The following KLHL14 variants were observed in gnomAD, a reference collection of about 807,000 sequenced individuals.
The protein encoded by KLHL14 is kelch like family member 14.
Under a neutral mutation model 64.3 loss-of-function variants are expected in KLHL14, and 22 were observed. That is an observed-to-expected ratio of 0.34 (90% CI 0.24 to 0.49). The LOEUF (loss-of-function observed/expected upper bound fraction) is 0.49. KLHL14 is among the 20% of genes least tolerant of loss of function. KLHL14 has a pLI of 0.99. For synonymous variants in KLHL14, 322 were observed against 333.4 expected (o/e 0.97, Z 0.37); for missense variants, 661 against 789.0 (o/e 0.84, Z 1.94).
chr18:32,708,590 C>T (rs1208391302), intron 3 of KLHL14, among the ~76,000 whole-genome samples: 6 of 151,998 alleles, frequency 3.9e-5, no homozygotes, highest in Non-Finnish European at 8.8e-5. Flanking sequence ...TCCTGCTCTC[C>T]CTTCTAGCTG....
Position 32,770,297 on chromosome 18 carries a change from G to GCGGCTGCTGCTGCTGTGA in KLHL14, c.277_294dup (p.Ser93_Pro98dup), listed in dbSNP as rs747624976. The GCGGCTGCTGCTGCTGTGA allele has an allele frequency of 5.4e-5, 86 of 1,587,010 alleles. No individual in the cohort carries two copies. Among genetic ancestry groups the GCGGCTGCTGCTGCTGTGA allele is most frequent in the Admixed American group, 5.3e-4 (31 of 58,302 alleles). The stretch of plus-strand genomic sequence containing the variant: ...GGAGTCCCGGGCTCCTCCTGCGGCG[G>GCGGCTGCTGCTGCTGTGA]CGGCTGCTGCTGCTGTGACGGCTGC... On this transcript the variant is annotated inframe_insertion, in exon 2 of 9. Coordinates refer to ENST00000359358, the MANE Select transcript of KLHL14 (RefSeq NM_020805.3). This position sits in a 1 kb window ranked among gnomAD's most constrained non-coding sequence, Gnocchi z 6.7.
chr18:32,677,465 C>T (rs912215922), intron 7 of KLHL14, 135 bp from the exon 8 acceptor site: 3 of 792,104 alleles, frequency 3.8e-6, no homozygotes, highest in Admixed American at 3.2e-5. Flanking sequence ...TGCATAAATT[C>T]ACTGAGATTG....
At chr18:32,750,225 C>A (rs1486830707) in intron 2 of KLHL14, among the ~76,000 whole-genome samples, 1 of 152,008 alleles carries the variant, frequency 6.6e-6, no homozygotes, top group Non-Finnish European at 1.5e-5. Context: ...AACATTTAGA[C>A]CATAGCAAAA....
intron 2 of KLHL14, among the ~76,000 whole-genome samples, chr18:32,763,646 CTAT>C (rs1460359489): frequency 1.3e-5 from 2 of 152,146 alleles, no homozygotes; most frequent in African/African-American, 4.8e-5. Context: ...GTGATAGCTA[CTAT>C]TATTATTGGC....
chr18:32,730,020 TG>T (rs2050129392), intron 3 of KLHL14, among the ~76,000 whole-genome samples: 1 of 152,248 alleles, frequency 6.6e-6, no homozygotes, highest in Non-Finnish European at 1.5e-5. Context: ...ACTTGTTGAA[TG>T]GTCTATTGTT....
At chr18:32,709,983 G>C (rs1222248514) in intron 3 of KLHL14, among the ~76,000 whole-genome samples, 1 of 152,128 alleles carries the variant, frequency 6.6e-6, no homozygotes, top group Non-Finnish European at 1.5e-5. Flanking sequence ...TGTACAATTT[G>C]CTTTTTAAAA....
At chr18:32,693,193 A>G (rs768229024) in intron 4 of KLHL14, among the ~76,000 whole-genome samples, 3 of 152,112 alleles carry the variant, frequency 2.0e-5, no homozygotes, top group Non-Finnish European at 4.4e-5. Context: ...ACTGACATGA[A>G]GTGCAAAAGG....
At chr18:32,720,641 G>A (rs17665734) in intron 3 of KLHL14, among the ~76,000 whole-genome samples, 36,640 of 151,944 alleles carry the variant, frequency 0.24, 4,625 homozygotes, top group Middle Eastern at 0.32. Context: ...AGGGGGCTTG[G>A]GATGACATGC....
chr18:32,680,487 A>G lies in KLHL14; in HGVS notation c.1351T>C (p.Trp451Arg), dbSNP rs762413227. Residue 451 changes from tryptophan to arginine, a missense_variant, in exon 6 of 9, where the codon TGG becomes CGG. This residue lies in a region of KLHL14 where 330 missense variants were observed against 450.0 expected (regional missense o/e 0.73). Coordinates refer to ENST00000359358, the MANE Select transcript of KLHL14 (RefSeq NM_020805.3). The surrounding 1 kb of genome is among the most constrained non-coding windows in gnomAD (Gnocchi z 4.8). ...TGTGGCAAAGAGGACACATAGCGCCATTCATTCGTTTCTAGGTTATAGCAC... is the reference window on the plus strand; with the variant it reads ...TGTGGCAAAGAGGACACATAGCGCCGTTCATTCGTTTCTAGGTTATAGCAC... ...VECYNLETNE[W>R]RYVSSLPQPL... 3.1e-6 allele frequency: 5 copies of G among 1,614,008 alleles called. No homozygotes were observed. Among genetic ancestry groups the G allele is most frequent in the African/African-American group, 1.3e-5 (1 of 75,050 alleles).
At chr18:32,771,301 C>T (rs1267010945) in intron 1 of KLHL14, among the ~76,000 whole-genome samples, 2 of 152,152 alleles carry the variant, frequency 1.3e-5, no homozygotes, top group Admixed American at 1.3e-4. Flanking sequence ...GCCCTTTCTT[C>T]TCCCGGGAAA....
At chr18:32,690,889 A>C (rs1481247490) in intron 4 of KLHL14, among the ~76,000 whole-genome samples, 1 of 152,118 alleles carries the variant, frequency 6.6e-6, no homozygotes, top group Non-Finnish European at 1.5e-5. Flanking sequence ...TTGAGTAGTA[A>C]ATTGAGTTTT....
rs567107804 is a variant in KLHL14 at position 32,710,810 on chromosome 18, C to T, written c.1070-15258G>A. Among the ~76,000 whole-genome samples, 13 of 152,246 alleles carry T rather than the reference C, an allele frequency of 8.5e-5. No homozygotes were observed. The South Asian group carries it at 2.1e-3, about 24-fold the overall frequency. ...GGAGAGGGGTTCAGGGAGGTCCCAT[C>T]AATGCCATCTGTGTCACAAAGGCAT... On this transcript the variant is annotated intron_variant, in intron 3 of 8. Coordinates refer to ENST00000359358, the MANE Select transcript of KLHL14 (RefSeq NM_020805.3).
intron 3 of KLHL14, among the ~76,000 whole-genome samples, chr18:32,721,364 C>T (rs1169819875): frequency 1.3e-5 from 2 of 152,170 alleles, no homozygotes; most frequent in Admixed American, 6.5e-5. Flanking sequence ...CCCTGTGCCA[C>T]TTGTCACAAG....
intron 5 of KLHL14, among the ~76,000 whole-genome samples, chr18:32,685,661 C>G (rs925413131): frequency 1.3e-5 from 2 of 152,156 alleles, no homozygotes; most frequent in African/African-American, 4.8e-5. Flanking sequence ...TACCTTTGAA[C>G]TAGACATTCC....
intron 3 of KLHL14, among the ~76,000 whole-genome samples, chr18:32,707,295 A>AGC (rs1346282916): frequency 6.6e-6 from 1 of 152,228 alleles, no homozygotes; most frequent in Admixed American, 6.5e-5. Flanking sequence ...ACCCTCCTCT[A>AGC]GCTGTATCCA....
At chr18:32,757,996 A>G (rs748913006) in intron 2 of KLHL14, among the ~76,000 whole-genome samples, 2 of 152,238 alleles carry the variant, frequency 1.3e-5, no homozygotes, top group Non-Finnish European at 2.9e-5. Context: ...AAGAAGCCCT[A>G]TGATGCTTAC....
At chr18:32,705,353 T>C (rs1284868452) in intron 3 of KLHL14, among the ~76,000 whole-genome samples, 1 of 152,248 alleles carries the variant, frequency 6.6e-6, no homozygotes, top group Non-Finnish European at 1.5e-5. Flanking sequence ...ATGATTACTA[T>C]ACATTATATG....
At chr18:32,759,747 A>T (rs938503301) in intron 2 of KLHL14, among the ~76,000 whole-genome samples, 1 of 151,488 alleles carries the variant, frequency 6.6e-6, no homozygotes, top group Non-Finnish European at 1.5e-5. Flanking sequence ...GTGAATGCTT[A>T]TGAAACCTTA....
At chr18:32,706,201 G>C (rs1568069835) in intron 3 of KLHL14, among the ~76,000 whole-genome samples, 1 of 152,180 alleles carries the variant, frequency 6.6e-6, no homozygotes, top group Non-Finnish European at 1.5e-5. Context: ...GTAAGTACTA[G>C]AGCAGTTGGG....
Sources: gnomAD v4.1 joint callset for allele counts (sites outside exome capture counted in the v4.1 genomes callset) on GRCh38, gnomAD v4.1.1 for gene constraint, gnomAD v4.1.1 regional missense constraint, Gnocchi (gnomAD v3.1) non-coding constraint, MANE v1.5 for transcripts, NCBI Gene and HGNC (gene_info 2026-07-23, HGNC 2026-07-21) for gene names.